ADAMTS9: variants seen among roughly 807,000 people sequenced by gnomAD.
The protein encoded by ADAMTS9 is ADAM metallopeptidase with thrombospondin type 1 motif 9.
ADAMTS9 carries 107 observed loss-of-function variants against 257.1 expected under a neutral mutation model. The ratio of observed to expected loss-of-function variants is 0.42; its 90% CI spans 0.36 to 0.49. The LOEUF is 0.49. Among genes scored for constraint, ADAMTS9 ranks in the 20% least tolerant of loss-of-function variants. The pLI is 0.03. For missense variants in ADAMTS9, 2,353 were observed against 2,469.1 expected, an observed-to-expected ratio of 0.95 and a Z score of 1.00; for synonymous variants, 982 against 880.9, an observed-to-expected ratio of 1.11 and a Z score of -2.03.
At chr3:64,672,825 TC>T (rs984880999) in intron 3 of ADAMTS9, among the ~76,000 whole-genome samples, 1 of 152,126 alleles carries the variant, frequency 6.6e-6, no homozygotes, top group Non-Finnish European at 1.5e-5. Context: ...GTGAGGGAGA[TC>T]CTTTAAGGAT....
intron 28 of ADAMTS9, chr3:64,582,826 C>G (rs1459642236): frequency 6.6e-6 from 1 of 152,128 alleles, no homozygotes; most frequent in Non-Finnish European, 1.5e-5. Context: ...CTGTCTTAGT[C>G]CCTAATCAGA....
intron 28 of ADAMTS9, among the ~76,000 whole-genome samples, chr3:64,574,573 A>AAAG (rs1559771780): frequency 1.3e-5 from 2 of 151,638 alleles, no homozygotes; most frequent in African/African-American, 4.9e-5. Flanking sequence ...AAAAAAAAAA[A>AAAG]AAAAGAAAAA....
chr3:64,640,234 A>G (rs992886257), intron 12 of ADAMTS9, among the ~76,000 whole-genome samples: 4 of 152,212 alleles, frequency 2.6e-5, no homozygotes, highest in Admixed American at 2.0e-4. Flanking sequence ...ATGAACAAAA[A>G]TAACTTAATT....
At chr3:64,537,006 G>C (rs570075557) in intron 37 of ADAMTS9, among the ~76,000 whole-genome samples, 4 of 152,212 alleles carry the variant, frequency 2.6e-5, no homozygotes, top group Admixed American at 6.5e-5. Flanking sequence ...CTACTCCGAA[G>C]CAGTCTCCAC....
chr3:64,526,009 T>A (rs1247092324), intron 38 of ADAMTS9, among the ~76,000 whole-genome samples: 13 of 147,552 alleles, frequency 8.8e-5, no homozygotes, highest in Non-Finnish European at 1.5e-4. Flanking sequence ...ATATTTTATA[T>A]TTATATAATA....
chr3:64,597,074 A>C (rs1424016288), intron 26 of ADAMTS9, 83 bp from the exon 27 acceptor site: 6 of 1,543,088 alleles, frequency 3.9e-6, no homozygotes, highest in Non-Finnish European at 3.5e-6. Flanking sequence ...AGGTTAAGAC[A>C]AATGTGCTGA....
intron 11 of ADAMTS9, among the ~76,000 whole-genome samples, chr3:64,646,887 G>A (rs1700806745): frequency 6.6e-6 from 1 of 152,102 alleles, no homozygotes; most frequent in Non-Finnish European, 1.5e-5. Flanking sequence ...CTGAGTGACT[G>A]TGGACAAGTT....
rs766909852 is a variant in ADAMTS9, at chr3:64,681,349, C to T, written c.531G>A (p.Arg177=). The T allele has an allele frequency of 1.2e-6, 2 of 1,611,360 alleles. No homozygotes were observed. Among genetic ancestry groups the T allele is most frequent in the East Asian group, 2.2e-5 (1 of 44,648 alleles). ...CAATAAAATAATCCCCATCATGAGA[C>T]CGGAATGTGCCCAGCTGCAAATGAA... is the stretch of plus-strand genomic sequence containing the variant. ...SLCSGMLGTF[R]SHDGDYFIEP... The change falls in exon 3 of 40, where the codon CGG becomes CGA. Residue 177 remains arginine (R), a synonymous_variant. Coordinates refer to ENST00000498707, the MANE Select transcript of ADAMTS9 (RefSeq NM_182920.2).
At chr3:64,606,005 A>G (rs2084550274) in intron 23 of ADAMTS9, among the ~76,000 whole-genome samples, 1 of 152,190 alleles carries the variant, frequency 6.6e-6, no homozygotes, top group African/African-American at 2.4e-5. Flanking sequence ...TTGCCAAATG[A>G]GCGTAGTTCA....
intron 31 of ADAMTS9, chr3:64,550,137 T>C (rs890103451): frequency 2.0e-5 from 3 of 152,190 alleles, no homozygotes; most frequent in African/African-American, 7.2e-5. Flanking sequence ...TTGAAAATAA[T>C]ATAATCATGC....
intron 22 of ADAMTS9, 72 bp from the exon 23 acceptor site, chr3:64,607,151 T>A: frequency 6.3e-7 from 1 of 1,578,210 alleles, no homozygotes; most frequent in African/African-American, 1.3e-5. Flanking sequence ...CCCATAACAT[T>A]CTGCAAGAGA....
chr3:64,518,324 C>T (rs1192817049), intron 39 of ADAMTS9, among the ~76,000 whole-genome samples: 1 of 152,138 alleles, frequency 6.6e-6, no homozygotes, highest in Admixed American at 6.6e-5. Flanking sequence ...GTCAAATAGG[C>T]ACTCTTGTAT....
chr3:64,634,799 A>G (rs1315194657), intron 12 of ADAMTS9, among the ~76,000 whole-genome samples: 1 of 152,204 alleles, frequency 6.6e-6, no homozygotes, highest in Non-Finnish European at 1.5e-5. Context: ...TTTTTCCTTT[A>G]GAATGAATCT....
At chr3:64,685,662 G>A (rs1701883686) in intron 2 of ADAMTS9, among the ~76,000 whole-genome samples, 1 of 152,220 alleles carries the variant, frequency 6.6e-6, no homozygotes, top group Non-Finnish European at 1.5e-5. Context: ...GGGAACCAAC[G>A]TGGATTCCCT....
intron 37 of ADAMTS9, 43 bp downstream of exon 37, chr3:64,539,160 G>A (rs947438069): frequency 6.5e-7 from 1 of 1,535,720 alleles, no homozygotes; most frequent in African/African-American, 1.4e-5. Flanking sequence ...CGGGAAAGGT[G>A]GGAGGTGAAT....
At chr3:64,525,869 G>A (rs923885992) in intron 38 of ADAMTS9, among the ~76,000 whole-genome samples, 5 of 150,878 alleles carry the variant, frequency 3.3e-5, no homozygotes, top group South Asian at 2.1e-4. Context: ...GATTACAGGC[G>A]TAAGCCACCG....
chr3:64,551,587 G>T (rs1048658543), intron 30 of ADAMTS9, among the ~76,000 whole-genome samples: 3 of 152,166 alleles, frequency 2.0e-5, no homozygotes, highest in Non-Finnish European at 4.4e-5. Context: ...AGGAAGGAAG[G>T]AAAGTATAAA....
Position 64,686,519 on chromosome 3 carries a change from A to G in ADAMTS9, c.516+49T>C, listed in dbSNP as rs1187036634. On this transcript the variant is annotated intron_variant, in intron 2 of 39. Transcript: ENST00000498707. This position sits in a 1 kb window ranked among gnomAD's most constrained non-coding sequence, Gnocchi z 4.6. ...TTAGAGGACAATTAAGTCTTCTAGA[A>G]GCGGGCGAGGAGGCGGAAGGGGAGA... 6.5e-7 allele frequency: 1 copy of G among 1,528,514 alleles called. No individual in the cohort carries two copies. Among genetic ancestry groups the G allele is most frequent in the Non-Finnish European group, 8.8e-7 (1 of 1,136,038 alleles). The allele number at this position is 1,528,514 out of a possible 1,614,324, so 94.7% of individuals were successfully genotyped here.
chr3:64,663,109 G>T (rs1229638712), intron 3 of ADAMTS9, among the ~76,000 whole-genome samples: 1 of 152,090 alleles, frequency 6.6e-6, no homozygotes, highest in African/African-American at 2.4e-5. Context: ...GGAGTGGGGA[G>T]ATGGGAGTGT....
Sources: gnomAD v4.1 joint callset for allele counts (sites outside exome capture counted in the v4.1 genomes callset) on GRCh38, gnomAD v4.1.1 for gene constraint, Gnocchi (gnomAD v3.1) non-coding constraint, MANE v1.5 for transcripts, NCBI Gene and HGNC (gene_info 2026-07-23, HGNC 2026-07-21) for gene names.